SMLR1: variants seen among roughly 807,000 people sequenced by gnomAD.
SMLR1 encodes the protein small leucine rich protein 1, also known as small leucine-rich protein 1.
A neutral mutation model predicts 6.1 loss-of-function variants in SMLR1; 3 were observed. That is an observed-to-expected ratio of 0.49 (90% CI 0.22 to 1.28). SMLR1 has a LOEUF of 1.28. Among genes scored for constraint, SMLR1 ranks in the 50% most tolerant of loss-of-function variants. The probability of loss-of-function intolerance (pLI) is 0.19; values close to 1 mark genes in which losing one functional copy is unlikely to be tolerated. For synonymous variants in SMLR1, 55 were observed against 53.6 expected, an observed-to-expected ratio of 1.03 and a Z score of -0.11; for missense variants, 126 against 124.8, an observed-to-expected ratio of 1.01 and a Z score of -0.05.
chr6:130,830,310 T>C (rs1774401942), intron 1 of SMLR1, among the ~76,000 whole-genome samples: 1 of 152,040 alleles, frequency 6.6e-6, no homozygotes, highest in African/African-American at 2.4e-5. Flanking sequence ...CTGTGGTTTT[T>C]CCCCATTGTC....
rs2128385005 is a variant in SMLR1 at position 130,834,987 on chromosome 6, T to C, written c.*32T>C. ...GGACTTTCCAATAACTAAAGCACAA[T>C]GAGTTTCTACTGGTCAGCAAGCAAT... is the stretch of plus-strand genomic sequence containing the variant. On this transcript the variant is annotated 3_prime_UTR_variant, in exon 2 of 2. Coordinates refer to ENST00000541421, the MANE Select transcript of SMLR1 (RefSeq NM_001195597.2). 6.6e-7 allele frequency: 1 copy of C among 1,511,914 alleles called. No individual in the cohort carries two copies. The highest frequency in any genetic ancestry group is 8.9e-7 in the Non-Finnish European group (1 of 1,125,296). The allele number at this position is 1,511,914 out of a possible 1,614,324, so 93.7% of individuals were successfully genotyped here. A position where few individuals can be genotyped will look rare whatever the true frequency, so the allele number is the denominator to read the frequency against.
rs565971180 is a variant in SMLR1 at position 130,829,778 on chromosome 6, T to C, written c.238+2127T>C. On this transcript the variant is annotated intron_variant, in intron 1 of 1. Transcript: ENST00000541421. ...ATGCTACTGAGCTTTTCTTGACTTC[T>C]AGACTTGCCCACAACTGTTAAGTCT... Among the ~76,000 whole-genome samples, 24 of 152,346 alleles carry C rather than the reference T, an allele frequency of 1.6e-4. No individual in the cohort carries two copies. The South Asian group carries it at 5.0e-3, about 32-fold the overall frequency.
intron 1 of SMLR1, among the ~76,000 whole-genome samples, chr6:130,829,962 G>A (rs183346626): frequency 3.3e-4 from 50 of 152,250 alleles, no homozygotes; most frequent in South Asian, 2.9e-3. Context: ...TCTGGATAGC[G>A]ATAATTCTCA....
In SMLR1 at chr6:130,835,684, T is replaced by G. The variant is rs1388150497; in HGVS notation, c.*729T>G. ...TAATTCCTGAGGAGGAGAATACAAG[T>G]CTTTGCCTGTAATACCAAAATACAG... On this transcript the variant is annotated 3_prime_UTR_variant, in exon 2 of 2. Coordinates refer to ENST00000541421, the MANE Select transcript of SMLR1 (RefSeq NM_001195597.2). The G allele has an allele frequency of 6.6e-6, 1 of 152,130 alleles. No individual in the cohort carries two copies. Among genetic ancestry groups the G allele is most frequent in the Non-Finnish European group, 1.5e-5 (1 of 68,028 alleles). The allele number at this position is 152,130 out of a possible 1,614,324, so 9.4% of individuals were successfully genotyped here. A position where few individuals can be genotyped will look rare whatever the true frequency, so the allele number is the denominator to read the frequency against.
intron 1 of SMLR1, among the ~76,000 whole-genome samples, chr6:130,828,410 G>C (rs949496843): frequency 3.9e-5 from 6 of 152,056 alleles, no homozygotes; most frequent in African/African-American, 1.4e-4. Context: ...AACTATTTTA[G>C]CAAAATCAAC....
intron 1 of SMLR1, among the ~76,000 whole-genome samples, chr6:130,830,465 G>A (rs1018130312): frequency 3.3e-5 from 5 of 152,084 alleles, no homozygotes; most frequent in African/African-American, 1.2e-4. Context: ...AACGCAATGG[G>A]GGTCCCATCT....
intron 1 of SMLR1, among the ~76,000 whole-genome samples, chr6:130,832,583 A>C (rs56975754): frequency 0.026 from 3,906 of 152,298 alleles, 169 homozygotes; most frequent in African/African-American, 0.09. Context: ...TGTTCTGAAC[A>C]ACTGTTAGTC....
At chr6:130,831,258 C>T (rs530997917) in intron 1 of SMLR1, among the ~76,000 whole-genome samples, 2 of 152,284 alleles carry the variant, frequency 1.3e-5, no homozygotes, top group Non-Finnish European at 2.9e-5. Flanking sequence ...GGGCAAGCTG[C>T]ACTATACATT....
At position 130,834,781 on chromosome 6, in the gene SMLR1, A is replaced by T. The variant is rs1442801542; in HGVS notation, c.239-89A>T. 6 of 1,070,610 alleles carry T rather than the reference A, an allele frequency of 5.6e-6. No individual in the cohort carries two copies. The African/African-American group carries it at 9.4e-5, about 17-fold the overall frequency. 66.3% of individuals were successfully genotyped at this position (1,070,610 alleles called of 1,614,324 possible). ...GTGACTCGCCAAGGCCACCAGTGTC[A>T]GATATGCTGGCCAACAGCCCTTATG... On this transcript the variant is annotated intron_variant, in intron 1 of 1. Transcript: ENST00000541421.
At chr6:130,833,577 T>C (rs530059165) in intron 1 of SMLR1, among the ~76,000 whole-genome samples, 2 of 152,320 alleles carry the variant, frequency 1.3e-5, no homozygotes, top group African/African-American at 4.8e-5. Context: ...AATCAAATCC[T>C]GAATTCATCA....
intron 1 of SMLR1, among the ~76,000 whole-genome samples, chr6:130,828,570 C>T (rs1477620382): frequency 1.3e-5 from 2 of 152,082 alleles, no homozygotes; most frequent in African/African-American, 4.8e-5. Flanking sequence ...ATCACTAATG[C>T]TATAATATAT....
intron 1 of SMLR1, among the ~76,000 whole-genome samples, chr6:130,828,806 A>G (rs928491100): frequency 6.6e-6 from 1 of 152,150 alleles, no homozygotes; most frequent in Non-Finnish European, 1.5e-5. Context: ...TCATGTGATA[A>G]ATCCTTTTCT....
chr6:130,827,708 G>T, intron 1 of SMLR1, 57 bp downstream of exon 1: 3 of 1,257,930 alleles, frequency 2.4e-6, no homozygotes, highest in Non-Finnish European at 3.4e-6. Context: ...AGCACATCTT[G>T]AAATATACCG....
At chr6:130,828,526 TCTTGGA>T (rs1287279530) in intron 1 of SMLR1, among the ~76,000 whole-genome samples, 5 of 152,232 alleles carry the variant, frequency 3.3e-5, no homozygotes, top group Non-Finnish European at 5.9e-5. Flanking sequence ...TGAAGGCATT[TCTTGGA>T]CTTGCCAAGC....
chr6:130,833,878 G>C (rs1365603634), intron 1 of SMLR1, among the ~76,000 whole-genome samples: 1 of 152,096 alleles, frequency 6.6e-6, no homozygotes, highest in African/African-American at 2.4e-5. Context: ...GTGTCCTGGG[G>C]TACATGGCAT....
Position 130,827,612 on chromosome 6 carries a change from C to T in SMLR1, c.199C>T (p.Leu67Phe). 2 of 1,535,768 alleles carry T rather than the reference C, an allele frequency of 1.3e-6. No individual in the cohort carries two copies. The highest frequency in any genetic ancestry group is 1.7e-6 in the Non-Finnish European group (2 of 1,146,630). ...GVFLPVTLLL[L>F]LLIAYFRIKL... ...CTTCCTCCCCGTGACTTTGCTGCTGCTCCTCCTCATCGCCTACTTCAGGAT... is the reference window on the plus strand; with the variant it reads ...CTTCCTCCCCGTGACTTTGCTGCTGTTCCTCCTCATCGCCTACTTCAGGAT... Residue 67 changes from leucine to phenylalanine, a missense_variant, in exon 1 of 2, where the codon CTC (leucine) becomes TTC (phenylalanine). Physicochemically the swap from Leu to Phe is conservative, Grantham distance 22. Coordinates refer to ENST00000541421, the MANE Select transcript of SMLR1 (RefSeq NM_001195597.2).
chr6:130,828,529 T>G (rs888674391), intron 1 of SMLR1, among the ~76,000 whole-genome samples: 4 of 152,242 alleles, frequency 2.6e-5, no homozygotes, highest in Admixed American at 6.5e-5. Flanking sequence ...AGGCATTTCT[T>G]GGACTTGCCA....
chr6:130,827,455 G>C lies in SMLR1; in HGVS notation c.42G>C (p.Gln14His), dbSNP rs1206453056. 6.5e-7 allele frequency: 1 copy of C among 1,536,002 alleles called. No homozygotes were observed. Among genetic ancestry groups the C allele is most frequent in the Admixed American group, 2.0e-5 (1 of 50,986 alleles). The change falls in exon 1 of 2, where the codon CAG becomes CAC. Residue 14 changes from glutamine (Q) to histidine (H), a missense_variant. Coordinates refer to ENST00000541421, the MANE Select transcript of SMLR1 (RefSeq NM_001195597.2). ...KGRSPRRKQV[Q>H]TQRKAALVLS... ...GGAGCCCCAGAAGAAAACAAGTACA[G>C]ACTCAGAGGAAAGCTGCCCTGGTCC...
chr6:130,827,717 C>T lies in SMLR1; in HGVS notation c.238+66C>T, dbSNP rs192470296. 5.6e-5 allele frequency: 66 copies of T among 1,188,238 alleles called. No individual in the cohort carries two copies. The East Asian group carries it at 1.3e-3, about 24-fold the overall frequency. The allele number at this position is 1,188,238 out of a possible 1,614,324, so 73.6% of individuals were successfully genotyped here. A position where few individuals can be genotyped will look rare whatever the true frequency, so the allele number is the denominator to read the frequency against. On this transcript the variant is annotated intron_variant, in intron 1 of 1. Coordinates refer to ENST00000541421, the MANE Select transcript of SMLR1 (RefSeq NM_001195597.2). ...TCCCACAGCACATCTTGAAATATAC[C>T]GATGCACTGTCAGTGTTTTCTGGCC...
Sources: allele counts gnomAD v4.1 joint callset (sites outside exome capture counted in the v4.1 genomes callset), GRCh38; gene constraint gnomAD v4.1.1; transcripts MANE v1.5; gene names NCBI Gene and HGNC (gene_info 2026-07-23, HGNC 2026-07-21).